The following SLC67A2 variants were observed in gnomAD, a reference collection of about 807,000 sequenced individuals.
SLC67A2 encodes solute carrier family 67 member A2.
chr2:102,731,858 T>C, the SLC67A2 span, among the ~76,000 whole-genome samples: 11 of 152,344 alleles, frequency 7.2e-5, no homozygotes, highest in African/African-American at 2.6e-4. Context: ...GCAGAGAAAC[T>C]CTACAATATC....
the SLC67A2 span, chr2:102,732,559 T>A: frequency 1.6e-6 from 1 of 618,236 alleles, no homozygotes; most frequent in Non-Finnish European, 2.8e-6. Context: ...GCCATACAAA[T>A]CCGCTGCCAC....
chr2:102,723,874 G>A, the SLC67A2 span: 1 of 1,614,044 alleles, frequency 6.2e-7, no homozygotes, highest in Non-Finnish European at 8.5e-7. Context: ...TCAGAAAGTA[G>A]AGCCCTTGAG....
the SLC67A2 span, among the ~76,000 whole-genome samples, chr2:102,721,220 T>C: frequency 2.0e-5 from 3 of 152,262 alleles, no homozygotes; most frequent in Admixed American, 1.3e-4. Context: ...ATATGCTGAC[T>C]TTCAATTTTG....
At chr2:102,731,156 G>A in the SLC67A2 span, 2 of 1,099,584 alleles carry the variant, frequency 1.8e-6, no homozygotes, top group East Asian at 2.5e-5. Flanking sequence ...GAAACCAACA[G>A]AAAAACATTA....
chr2:102,736,878 C>G, the SLC67A2 span: 2 of 1,491,878 alleles, frequency 1.3e-6, no homozygotes, highest in African/African-American at 1.4e-5. Flanking sequence ...AGCCCCGCCC[C>G]GAGCGGAAGC....
At chr2:102,723,813 G>A in the SLC67A2 span, 2 of 1,614,180 alleles carry the variant, frequency 1.2e-6, no homozygotes, top group African/African-American at 2.7e-5. Context: ...CACACCGGAG[G>A]CTGTGTTGAA....
the SLC67A2 span, chr2:102,732,372 C>A: frequency 6.2e-7 from 1 of 1,613,718 alleles, no homozygotes; most frequent in South Asian, 1.1e-5. Flanking sequence ...GACATGAAGG[C>A]TCAATAAAGG....
At chr2:102,731,839 G>A in the SLC67A2 span, among the ~76,000 whole-genome samples, 8 of 152,216 alleles carry the variant, frequency 5.3e-5, no homozygotes, top group Non-Finnish European at 1.2e-4. Flanking sequence ...GAATTTTTAA[G>A]CTGCACAGGC....
the SLC67A2 span, chr2:102,726,864 G>A: frequency 2.4e-5 from 38 of 1,608,586 alleles, no homozygotes; most frequent in East Asian, 4.0e-4. Flanking sequence ...CTCTAGCCAG[G>A]ACAAACAGAA....
At chr2:102,734,022 C>G in the SLC67A2 span, among the ~76,000 whole-genome samples, 1 of 152,206 alleles carries the variant, frequency 6.6e-6, no homozygotes, top group African/African-American at 2.4e-5. Context: ...TAAAAGGCAA[C>G]TCCTTTCTGC....
chr2:102,731,144 C>A, the SLC67A2 span: 3 of 1,190,898 alleles, frequency 2.5e-6, no homozygotes, highest in African/African-American at 3.0e-5. Flanking sequence ...AACAATTACA[C>A]AGAAACCAAC....
the SLC67A2 span, chr2:102,718,416 C>G: frequency 1.2e-6 from 2 of 1,613,238 alleles, no homozygotes; most frequent in Non-Finnish European, 1.7e-6. Context: ...TTGTCCAAAT[C>G]CATCTACTCA....
the SLC67A2 span, chr2:102,736,456 A>G: frequency 7.0e-7 from 1 of 1,423,120 alleles, no homozygotes; most frequent in African/African-American, 1.4e-5. Flanking sequence ...GGGGCAATAA[A>G]GCAGTGTGGC....
At chr2:102,736,460 G>T in the SLC67A2 span, 3 of 1,435,018 alleles carry the variant, frequency 2.1e-6, no homozygotes, top group Non-Finnish European at 2.7e-6. Context: ...CAATAAAGCA[G>T]TGTGGCCAGA....
the SLC67A2 span, among the ~76,000 whole-genome samples, chr2:102,733,245 T>C: frequency 6.6e-6 from 1 of 152,210 alleles, no homozygotes; most frequent in African/African-American, 2.4e-5. Flanking sequence ...CCTGCTACAG[T>C]TGGTTTAGTG....
chr2:102,722,374 G>C, the SLC67A2 span, among the ~76,000 whole-genome samples: 1 of 152,212 alleles, frequency 6.6e-6, no homozygotes, highest in Non-Finnish European at 1.5e-5. Flanking sequence ...AGAGAGAGGG[G>C]CAGGGTCTGC....
chr2:102,727,013 A>T, the SLC67A2 span: 1 of 1,604,144 alleles, frequency 6.2e-7, no homozygotes. Flanking sequence ...CCCCATTCAC[A>T]GTAACGACTA....
the SLC67A2 span, chr2:102,726,816 GAAA>G: frequency 6.6e-4 from 863 of 1,299,446 alleles, no homozygotes; most frequent in Admixed American, 1.7e-3. Flanking sequence ...AGCTACGTTT[GAAA>G]AAAAAAAAAA....
At chr2:102,718,128 T>C in the SLC67A2 span, 3 of 337,952 alleles carry the variant, frequency 8.9e-6, no homozygotes, top group Admixed American at 9.2e-5. Flanking sequence ...CCCTTGAAAA[T>C]TGTAACCTGA....
Sources: allele counts gnomAD v4.1 joint callset (sites outside exome capture counted in the v4.1 genomes callset), GRCh38; gene constraint gnomAD v4.1.1; transcripts MANE v1.5; gene names NCBI Gene and HGNC (gene_info 2026-07-23, HGNC 2026-07-21).